The following ZMIZ1 variants were observed in gnomAD, a reference collection of about 807,000 sequenced individuals.
ZMIZ1 encodes the protein zinc finger MIZ domain-containing protein 1.
Under a neutral mutation model 113.9 loss-of-function variants are expected in ZMIZ1, and 17 were observed. The observed-to-expected ratio is 0.15, with a 90% CI of 0.10 to 0.22. The LOEUF is 0.22. Among genes scored for constraint, ZMIZ1 ranks in the 10% least tolerant of loss-of-function variants. The pLI is 1.00. For synonymous variants in ZMIZ1, 607 were observed against 603.1 expected, an observed-to-expected ratio of 1.01 and a Z score of -0.09; for missense variants, 1,059 against 1,477.8, an observed-to-expected ratio of 0.72 and a Z score of 4.65.
intron 7 of ZMIZ1, among the ~76,000 whole-genome samples, chr10:79,255,703 C>A (rs1172633208): frequency 3.3e-5 from 5 of 152,184 alleles, no homozygotes; most frequent in Non-Finnish European, 5.9e-5. Flanking sequence ...CGCCACCCCC[C>A]ACATTGAGTT....
intron 7 of ZMIZ1, among the ~76,000 whole-genome samples, chr10:79,254,346 C>T (rs757963518): frequency 7.9e-5 from 12 of 152,218 alleles, no homozygotes; most frequent in African/African-American, 2.2e-4. Flanking sequence ...GGTCATTGCC[C>T]GCCATCCCAG....
intron 3 of ZMIZ1, among the ~76,000 whole-genome samples, chr10:79,143,284 G>A (rs1845349592): frequency 6.6e-6 from 1 of 152,046 alleles, no homozygotes; most frequent in Non-Finnish European, 1.5e-5. Flanking sequence ...GTATGTCTTG[G>A]GGTGCTGCAG....
At chr10:79,253,707 G>A (rs547228338) in intron 7 of ZMIZ1, among the ~76,000 whole-genome samples, 67 of 152,284 alleles carry the variant, frequency 4.4e-4, no homozygotes, top group Non-Finnish European at 7.4e-5. Context: ...CAGCGCCCTG[G>A]GGAATTTGGG....
intron 7 of ZMIZ1, among the ~76,000 whole-genome samples, chr10:79,242,566 C>T (rs1408402790): frequency 6.7e-6 from 1 of 148,418 alleles, no homozygotes; most frequent in Non-Finnish European, 1.5e-5. Flanking sequence ...CCTCCCCTCC[C>T]CCCGGCCGAG....
chr10:79,071,259 GA>G (rs1331130437), intron 1 of ZMIZ1, among the ~76,000 whole-genome samples: 1 of 152,252 alleles, frequency 6.6e-6, no homozygotes, highest in Non-Finnish European at 1.5e-5. Context: ...TGCAACCTGG[GA>G]ACCGGGCCTG....
At chr10:79,219,679 G>C (rs1211511190) in intron 7 of ZMIZ1, among the ~76,000 whole-genome samples, 1 of 152,172 alleles carries the variant, frequency 6.6e-6, no homozygotes, top group Non-Finnish European at 1.5e-5. Flanking sequence ...TTGTAATTTA[G>C]AAAGCCCTTT....
rs569115709 is a variant in ZMIZ1, at chr10:79,167,114, C to A, written c.-50+4981C>A. On this transcript the variant is annotated intron_variant, in intron 4 of 24. Coordinates refer to ENST00000334512, the MANE Select transcript of ZMIZ1 (RefSeq NM_020338.4). ...ATCCTCGGAAGCCTTCCTCAGGCCA[C>A]ACCTGTGCCTCCTGGAGGCCCCAGT... Among the ~76,000 whole-genome samples, 4 of 152,348 alleles carry A rather than the reference C, an allele frequency of 2.6e-5. No homozygotes were observed. The South Asian group carries it at 8.3e-4, about 32-fold the overall frequency.
chr10:79,313,063 C>T lies in ZMIZ1; in HGVS notation c.*314C>T, dbSNP rs946647562. The T allele has an allele frequency of 8.0e-6, 3 of 376,986 alleles. No individual in the cohort carries two copies. The highest frequency in any genetic ancestry group is 8.8e-5 in the Admixed American group (2 of 22,764). 23.4% of individuals were successfully genotyped at this position (376,986 alleles called of 1,614,324 possible). A position where few individuals can be genotyped will look rare whatever the true frequency, so the allele number is the denominator to read the frequency against. On this transcript the variant is annotated 3_prime_UTR_variant, in exon 25 of 25. Transcript: ENST00000334512. ...CCCGGTAAGAGGGCACACGCTGATG[C>T]GGCTTCCCGGTCCCTCCGCGTGTGC...
At chr10:79,230,751 G>C (rs1038877958) in intron 7 of ZMIZ1, among the ~76,000 whole-genome samples, 1 of 152,358 alleles carries the variant, frequency 6.6e-6, no homozygotes. Flanking sequence ...TTGTCCGCCC[G>C]TGTGGAAGCG....
At chr10:79,181,184 G>A (rs1362376542) in intron 4 of ZMIZ1, among the ~76,000 whole-genome samples, 1 of 152,126 alleles carries the variant, frequency 6.6e-6, no homozygotes, top group Non-Finnish European at 1.5e-5. Context: ...GAGCACCCGG[G>A]TTTCAGCCTC....
intron 1 of ZMIZ1, among the ~76,000 whole-genome samples, chr10:79,099,955 C>T (rs186702346): frequency 2.6e-5 from 4 of 152,222 alleles, no homozygotes; most frequent in Admixed American, 2.6e-4. Context: ...GAACAAGTCT[C>T]CAGCCACTCT....
chr10:79,302,666 C>A, intron 18 of ZMIZ1, among the ~76,000 whole-genome samples: 1 of 138,286 alleles, frequency 7.2e-6, no homozygotes. Flanking sequence ...GGCCTCCCTA[C>A]TTCAACAGCT....
chr10:79,082,793 T>C (rs911949479), intron 1 of ZMIZ1, among the ~76,000 whole-genome samples: 1 of 152,280 alleles, frequency 6.6e-6, no homozygotes, highest in African/African-American at 2.4e-5. Flanking sequence ...AGGCCCTGCG[T>C]CACTTCCAGT....
intron 18 of ZMIZ1, among the ~76,000 whole-genome samples, chr10:79,303,379 G>A (rs1370128193): frequency 6.6e-6 from 1 of 151,184 alleles, no homozygotes; most frequent in Non-Finnish European, 1.5e-5. Context: ...TGTTTGAGCT[G>A]GGGAGGTCGA....
At chr10:79,258,823 G>A (rs997533319) in intron 7 of ZMIZ1, among the ~76,000 whole-genome samples, 1 of 152,202 alleles carries the variant, frequency 6.6e-6, no homozygotes, top group African/African-American at 2.4e-5. Context: ...GCACTTTGGG[G>A]TGAGTATCTG....
intron 7 of ZMIZ1, among the ~76,000 whole-genome samples, chr10:79,267,018 C>T (rs1049874428): frequency 1.2e-4 from 18 of 152,372 alleles, no homozygotes; most frequent in African/African-American, 4.1e-4. Flanking sequence ...CCGCCCAGGC[C>T]TCCTATTGTG....
At chr10:79,246,509 G>A (rs374265383) in intron 7 of ZMIZ1, among the ~76,000 whole-genome samples, 2 of 152,212 alleles carry the variant, frequency 1.3e-5, no homozygotes, top group East Asian at 3.8e-4. Flanking sequence ...GAACTCCTCA[G>A]TGGGGCCTGT....
intron 4 of ZMIZ1, among the ~76,000 whole-genome samples, chr10:79,169,687 G>C (rs1352622970): frequency 6.6e-6 from 1 of 152,232 alleles, no homozygotes; most frequent in South Asian, 2.1e-4. Context: ...AGACAGTCCT[G>C]GGTTCAAATC....
At chr10:79,190,387 C>A (rs776198905) in intron 4 of ZMIZ1, among the ~76,000 whole-genome samples, 1 of 152,138 alleles carries the variant, frequency 6.6e-6, no homozygotes, top group Non-Finnish European at 1.5e-5. Flanking sequence ...CTCTGCTCTA[C>A]GCTCCCTGCC....
Sources: gnomAD v4.1 joint callset for allele counts (sites outside exome capture counted in the v4.1 genomes callset) on GRCh38, gnomAD v4.1.1 for gene constraint, MANE v1.5 for transcripts, NCBI Gene and HGNC (gene_info 2026-07-23, HGNC 2026-07-21) for gene names.